TRHDE: variants seen among roughly 807,000 people sequenced by gnomAD.
TRHDE encodes thyrotropin releasing hormone degrading enzyme, also known as thyrotropin-releasing hormone-degrading ectoenzyme.
In TRHDE, 72 loss-of-function variants were observed where a neutral mutation model predicts 125.7. That is an observed-to-expected ratio of 0.57 (90% CI 0.47 to 0.70). The LOEUF is 0.70. Among genes scored for constraint, TRHDE ranks in the 30% least tolerant of loss-of-function variants. The pLI is 0.00. For synonymous variants in TRHDE, 509 were observed against 509.1 expected, an observed-to-expected ratio of 1.00 and a Z score of 0.00; for missense variants, 1,110 against 1,327.1, an observed-to-expected ratio of 0.84 and a Z score of 2.54.
intron 6 of TRHDE, among the ~76,000 whole-genome samples, chr12:72,533,366 G>A (rs1213323087): frequency 6.6e-6 from 1 of 151,766 alleles, no homozygotes; most frequent in Non-Finnish European, 1.5e-5. Flanking sequence ...GTAGAGATGG[G>A]GTTTCACCAT....
chr12:72,469,671 T>A, intron 3 of TRHDE, 87 bp from the exon 4 acceptor site: 3 of 1,414,334 alleles, frequency 2.1e-6, no homozygotes, highest in Non-Finnish European at 2.9e-6. Context: ...TTCCTTATAA[T>A]TAGGATTTCT....
At chr12:72,148,923 G>C (rs895820580) in intron 2 of TRHDE, among the ~76,000 whole-genome samples, 3 of 152,164 alleles carry the variant, frequency 2.0e-5, no homozygotes, top group Non-Finnish European at 4.4e-5. Flanking sequence ...GCAATGAACA[G>C]ACAGCTCCAT....
exon 2 of TRHDE, chr12:72,105,689 C>A (rs1189609202): frequency 1.3e-5 from 2 of 152,112 alleles, no homozygotes; most frequent in East Asian, 3.9e-4. Context: ...CAAGATCATA[C>A]AGCTAATAGG....
At chr12:72,260,386 G>A (rs1260486095) in intron 2 of TRHDE, among the ~76,000 whole-genome samples, 3 of 151,998 alleles carry the variant, frequency 2.0e-5, no homozygotes, top group Non-Finnish European at 4.4e-5. Flanking sequence ...TCTCTAAAAT[G>A]TAGATTAATG....
intron 2 of TRHDE, among the ~76,000 whole-genome samples, chr12:72,364,117 A>G (rs1384158379): frequency 1.3e-5 from 2 of 152,124 alleles, no homozygotes; most frequent in African/African-American, 4.8e-5. Context: ...CAATGAAATA[A>G]AAGAGGATAC....
intron 6 of TRHDE, among the ~76,000 whole-genome samples, chr12:72,531,556 C>T (rs1198649835): frequency 1.3e-5 from 2 of 151,846 alleles, no homozygotes; most frequent in Non-Finnish European, 1.5e-5. Flanking sequence ...TAAAGATGTG[C>T]TTTTTTTCAT....
chr12:72,475,354 T>C (rs997494460), intron 5 of TRHDE, among the ~76,000 whole-genome samples: 4 of 152,190 alleles, frequency 2.6e-5, no homozygotes, highest in Non-Finnish European at 4.4e-5. Context: ...TGATGTGTTA[T>C]GCATAGGTGT....
chr12:72,663,565 G>C lies in TRHDE; in HGVS notation c.*370G>C, dbSNP rs1565827635. 1 of 156,594 alleles carries C rather than the reference G, an allele frequency of 6.4e-6. No homozygotes were observed. The highest frequency in any genetic ancestry group is 2.4e-5 in the African/African-American group (1 of 41,560). The allele number at this position is 156,594 out of a possible 1,614,324, so 9.7% of individuals were successfully genotyped here. A position where few individuals can be genotyped will look rare whatever the true frequency, so the allele number is the denominator to read the frequency against. On this transcript the variant is annotated 3_prime_UTR_variant, in exon 19 of 19. Coordinates refer to ENST00000261180, the MANE Select transcript of TRHDE (RefSeq NM_013381.3). ...TGTGCATGGATATATTGTCCTGCCT[G>C]TGTTCCAGCATGCTTATTTCAAACG...
At chr12:72,409,585 G>A (rs1030165130) in intron 3 of TRHDE, among the ~76,000 whole-genome samples, 1 of 152,134 alleles carries the variant, frequency 6.6e-6, no homozygotes, top group Non-Finnish European at 1.5e-5. Context: ...TTGAAATGAA[G>A]AGCACATTCA....
At chr12:72,281,034 AT>A (rs1292750308) in intron 1 of TRHDE, among the ~76,000 whole-genome samples, 5 of 152,198 alleles carry the variant, frequency 3.3e-5, no homozygotes, top group African/African-American at 1.2e-4. Flanking sequence ...CGCAGTACTT[AT>A]TTTTGGTAAG....
chr12:72,296,398 C>A (rs569417733), intron 2 of TRHDE, among the ~76,000 whole-genome samples: 18 of 152,288 alleles, frequency 1.2e-4, no homozygotes, highest in Admixed American at 9.8e-4. Flanking sequence ...AAAGGTTTAC[C>A]ACTAAACAGG....
At chr12:72,303,497 C>T (rs1370796467) in intron 2 of TRHDE, among the ~76,000 whole-genome samples, 3 of 152,128 alleles carry the variant, frequency 2.0e-5, no homozygotes, top group Non-Finnish European at 4.4e-5. Flanking sequence ...ATATTAGAGT[C>T]ACCTGGGGAC....
chr12:72,273,754 T>C lies in TRHDE; in HGVS notation c.914+197T>C. 1.8e-6 allele frequency: 1 copy of C among 561,902 alleles called. No individual in the cohort carries two copies. The highest frequency in any genetic ancestry group is 3.2e-6 in the Non-Finnish European group (1 of 317,160). The allele number at this position is 561,902 out of a possible 1,614,324, so 34.8% of individuals were successfully genotyped here. A position where few individuals can be genotyped will look rare whatever the true frequency, so the allele number is the denominator to read the frequency against. On this transcript the variant is annotated intron_variant, in intron 1 of 18. Transcript: ENST00000261180. This position sits in a 1 kb window ranked among gnomAD's most constrained non-coding sequence, Gnocchi z 5.3. ...CCTCGGGGTCTCGCTGCCGCCAACTTCGCAAACTGACTCACCGGTGCCAAA... is the reference window on the plus strand; with the variant it reads ...CCTCGGGGTCTCGCTGCCGCCAACTCCGCAAACTGACTCACCGGTGCCAAA...
chr12:72,655,612 T>G (rs1183762535), intron 17 of TRHDE, among the ~76,000 whole-genome samples: 1 of 152,154 alleles, frequency 6.6e-6, no homozygotes, highest in African/African-American at 2.4e-5. Flanking sequence ...TTAGCCACAA[T>G]ACGTGGAAAT....
At chr12:72,148,096 A>G (rs535338750) in intron 2 of TRHDE, among the ~76,000 whole-genome samples, 37 of 152,212 alleles carry the variant, frequency 2.4e-4, no homozygotes, top group Non-Finnish European at 4.4e-4. Context: ...AAATATTTGT[A>G]TTTTAGATGT....
chr12:72,655,261 G>C (rs2136112258), intron 17 of TRHDE, among the ~76,000 whole-genome samples: 1 of 151,998 alleles, frequency 6.6e-6, no homozygotes, highest in Admixed American at 6.6e-5. Flanking sequence ...TTTGTAGAGA[G>C]AAGTTTTCCC....
intron 3 of TRHDE, among the ~76,000 whole-genome samples, chr12:72,395,357 A>G (rs957350084): frequency 2.6e-5 from 4 of 152,040 alleles, no homozygotes; most frequent in Non-Finnish European, 5.9e-5. Context: ...ATTGCCCCCC[A>G]TTCAGTTCAC....
chr12:72,250,544 A>T (rs1379253026), intron 2 of TRHDE, among the ~76,000 whole-genome samples: 1 of 152,122 alleles, frequency 6.6e-6, no homozygotes, highest in Non-Finnish European at 1.5e-5. Flanking sequence ...AACCAGATAA[A>T]AAGAGAACTC....
chr12:72,406,296 G>C (rs1047145597), intron 3 of TRHDE, among the ~76,000 whole-genome samples: 10 of 152,114 alleles, frequency 6.6e-5, no homozygotes, highest in African/African-American at 2.4e-4. Context: ...GAATTGTGTA[G>C]TACTCTATAC....
Sources: gnomAD v4.1 joint callset for allele counts (sites outside exome capture counted in the v4.1 genomes callset) on GRCh38, gnomAD v4.1.1 for gene constraint, Gnocchi (gnomAD v3.1) non-coding constraint, MANE v1.5 for transcripts, NCBI Gene and HGNC (gene_info 2026-07-23, HGNC 2026-07-21) for gene names.